Variants in VWA3B observed in about 807,000 individuals in gnomAD.
The protein encoded by VWA3B is von Willebrand factor A domain containing 3B.
VWA3B carries 138 observed loss-of-function variants against 158.3 expected under a neutral mutation model. The observed-to-expected ratio is 0.87, with a 90% CI of 0.76 to 1.00. The LOEUF (loss-of-function observed/expected upper bound fraction) is 1.00, where lower values mean the gene tolerates loss of function less well. Among genes scored for constraint, VWA3B ranks in the 50% least tolerant of loss-of-function variants. The pLI is 0.00. For synonymous variants in VWA3B, 596 were observed against 587.3 expected, an observed-to-expected ratio of 1.01 and a Z score of -0.21; for missense variants, 1,555 against 1,565.1, an observed-to-expected ratio of 0.99 and a Z score of 0.11.
chr2:98,196,450 C>A (rs1464562967), intron 12 of VWA3B, among the ~76,000 whole-genome samples: 2 of 152,104 alleles, frequency 1.3e-5, no homozygotes, highest in Non-Finnish European at 2.9e-5. Context: ...TTCTATTATT[C>A]TTTCGGCTGA....
At chr2:98,165,319 A>T (rs1214332797) in intron 8 of VWA3B, among the ~76,000 whole-genome samples, 1 of 152,218 alleles carries the variant, frequency 6.6e-6, no homozygotes, top group Non-Finnish European at 1.5e-5. Context: ...AGCTAATGAG[A>T]TGATGAAGCC....
rs569811040 is a variant in VWA3B at position 98,210,625 on chromosome 2, A to C, written c.1738-1305A>C. ...TCATGGCTGAGTCTGAGAAAGTCTT[A>C]ATGGGAGAGTGCCCATGGTATATGG... On this transcript the variant is annotated intron_variant, in intron 12 of 27. Transcript: ENST00000477737. Among the ~76,000 whole-genome samples, 3 of 152,306 alleles carry C rather than the reference A, an allele frequency of 2.0e-5. No homozygotes were observed. In the South Asian group the frequency reaches 6.2e-4, roughly 32 times the overall value.
intron 7 of VWA3B, among the ~76,000 whole-genome samples, chr2:98,162,152 A>C (rs919022858): frequency 2.6e-5 from 4 of 151,574 alleles, no homozygotes; most frequent in Admixed American, 6.6e-5. Flanking sequence ...GTGCACATCC[A>C]TTTCCCCCCG....
chr2:98,293,506 A>G (rs550838924), intron 23 of VWA3B, among the ~76,000 whole-genome samples: 25 of 152,312 alleles, frequency 1.6e-4, no homozygotes, highest in Non-Finnish European at 3.7e-4. Flanking sequence ...TTTTATTAAA[A>G]ATTCAAACAT....
chr2:98,153,501 T>C (rs148865329), intron 7 of VWA3B, among the ~76,000 whole-genome samples: 172 of 152,324 alleles, frequency 1.1e-3, no homozygotes, highest in Non-Finnish European at 1.9e-3. Context: ...TAAGGACACA[T>C]TCAGGCTGCT....
At chr2:98,263,321 T>G (rs1268370523) in intron 21 of VWA3B, among the ~76,000 whole-genome samples, 1 of 151,920 alleles carries the variant, frequency 6.6e-6, no homozygotes, top group Admixed American at 6.6e-5. Context: ...GAGTGGACAT[T>G]GTTGCCTTAT....
chr2:98,245,574 G>T (rs140536512), intron 19 of VWA3B: 1 of 457,024 alleles, frequency 2.2e-6, no homozygotes, highest in African/African-American at 2.0e-5. Context: ...GCCACGAAAG[G>T]CATGAGGTTG....
chr2:98,251,053 G>A (rs899813222), intron 20 of VWA3B, among the ~76,000 whole-genome samples: 2 of 151,996 alleles, frequency 1.3e-5, no homozygotes, highest in Admixed American at 1.3e-4. Context: ...AACTGTGATT[G>A]CACCACTGCA....
At chr2:98,246,370 T>TTTTA (rs1342948600) in intron 19 of VWA3B, among the ~76,000 whole-genome samples, 18 of 151,922 alleles carry the variant, frequency 1.2e-4, no homozygotes, top group South Asian at 4.1e-4. Context: ...ACATTTTAAT[T>TTTTA]TTTATTTATT....
chr2:98,158,058 G>A (rs796329746), intron 7 of VWA3B, among the ~76,000 whole-genome samples: 38 of 152,184 alleles, frequency 2.5e-4, no homozygotes, highest in African/African-American at 8.2e-4. Flanking sequence ...GGAATACCTC[G>A]GGCATAGCCA....
chr2:98,164,427 C>T (rs1025068061), intron 8 of VWA3B, among the ~76,000 whole-genome samples: 13 of 152,180 alleles, frequency 8.5e-5, no homozygotes, highest in African/African-American at 3.1e-4. Context: ...TGAATGGGCA[C>T]ATACTATGTG....
intron 21 of VWA3B, among the ~76,000 whole-genome samples, chr2:98,270,263 G>A (rs1293504466): frequency 6.6e-6 from 1 of 152,170 alleles, no homozygotes; most frequent in African/African-American, 2.4e-5. Flanking sequence ...AAATATTTGG[G>A]TTTGTTTTGC....
intron 12 of VWA3B, among the ~76,000 whole-genome samples, chr2:98,197,306 T>G (rs1045242037): frequency 2.6e-5 from 4 of 152,214 alleles, no homozygotes; most frequent in African/African-American, 9.7e-5. Context: ...GCTGATATGC[T>G]CTATGACCAG....
chr2:98,131,821 A>C (rs1293637456), intron 6 of VWA3B, among the ~76,000 whole-genome samples: 1 of 152,190 alleles, frequency 6.6e-6, no homozygotes, highest in Non-Finnish European at 1.5e-5. Flanking sequence ...AGCTTGATTG[A>C]GATGCAAATT....
chr2:98,312,048 G>C lies in VWA3B; in HGVS notation c.3735+16G>C. ...CGAGCCCAGGGTTTGGGTGATGGGG[G>C]GGGAACACAACATCGCTTATCTCAG... On this transcript the variant is annotated intron_variant, in intron 27 of 27. Coordinates refer to ENST00000477737, the MANE Select transcript of VWA3B (RefSeq NM_144992.5). 15 of 1,592,138 alleles carry C rather than the reference G, an allele frequency of 9.4e-6. No individual in the cohort carries two copies. The highest frequency in any genetic ancestry group is 1.3e-5 in the Non-Finnish European group (15 of 1,168,922).
At chr2:98,207,363 G>T in intron 12 of VWA3B, 1 of 485,480 alleles carries the variant, frequency 2.1e-6, no homozygotes, top group South Asian at 1.6e-5. Flanking sequence ...CTCACATCAT[G>T]GATCCCAACA....
chr2:98,260,949 C>G (rs79155229), intron 21 of VWA3B, among the ~76,000 whole-genome samples: 5,883 of 151,718 alleles, frequency 0.039, 168 homozygotes, highest in Middle Eastern at 0.075. Flanking sequence ...TTTTTAAGCA[C>G]CATATATTTG....
At chr2:98,164,561 T>G (rs1351409064) in intron 8 of VWA3B, among the ~76,000 whole-genome samples, 1 of 152,322 alleles carries the variant, frequency 6.6e-6, no homozygotes, top group East Asian at 1.9e-4. Flanking sequence ...GATTAAGTCA[T>G]TGGCCATGGT....
At chr2:98,322,356 C>G in the VWA3B span, among the ~76,000 whole-genome samples, 1 of 152,194 alleles carries the variant, frequency 6.6e-6, no homozygotes, top group Non-Finnish European at 1.5e-5. Context: ...TATAGCCTAA[C>G]TGGCTCAAGG....
Sources: allele counts gnomAD v4.1 joint callset (sites outside exome capture counted in the v4.1 genomes callset), GRCh38; gene constraint gnomAD v4.1.1; transcripts MANE v1.5; gene names NCBI Gene and HGNC (gene_info 2026-07-23, HGNC 2026-07-21).